The following SEC16A variants were observed in gnomAD, a reference collection of about 807,000 sequenced individuals.
SEC16A encodes SEC16 homolog A, endoplasmic reticulum export factor.
Under a neutral mutation model 221.9 loss-of-function variants are expected in SEC16A, and 110 were observed. The ratio of observed to expected loss-of-function variants is 0.50; its 90% CI spans 0.42 to 0.58. SEC16A has a LOEUF of 0.58. SEC16A is among the 20% of genes least tolerant of loss of function. The pLI, the probability that SEC16A is intolerant of heterozygous loss-of-function variation, is 0.00. For missense variants in SEC16A, 3,165 were observed against 3,097.8 expected, an observed-to-expected ratio of 1.02 and a Z score of -0.52; for synonymous variants, 1,393 against 1,257.7, an observed-to-expected ratio of 1.11 and a Z score of -2.28.
At chr9:136,461,617 T>C (rs948462326) in intron 12 of SEC16A, among the ~76,000 whole-genome samples, 19 of 152,174 alleles carry the variant, frequency 1.2e-4, no homozygotes, top group African/African-American at 4.6e-4. Flanking sequence ...TCCCCAGTTC[T>C]AACAGGAGGC....
chr9:136,444,901 A>AT, intron 30 of SEC16A, 151 bp downstream of exon 30: 1 of 521,334 alleles, frequency 1.9e-6, no homozygotes, highest in Non-Finnish European at 3.4e-6. Context: ...AAAAAAAAAA[A>AT]GGAACCCTGT....
intron 2 of SEC16A, among the ~76,000 whole-genome samples, chr9:136,478,402 C>CAAA (rs34093106): frequency 0.14 from 13,247 of 94,892 alleles, 943 homozygotes; most frequent in Admixed American, 0.24. Context: ...GTCCCTAGCT[C>CAAA]AAAAAAAAAA....
At chr9:136,480,334 C>T (rs1466277404) in intron 1 of SEC16A, among the ~76,000 whole-genome samples, 2 of 152,160 alleles carry the variant, frequency 1.3e-5, no homozygotes, top group South Asian at 2.1e-4. Context: ...TGGCCTTCCC[C>T]GGGAAGATCC....
intron 5 of SEC16A, among the ~76,000 whole-genome samples, chr9:136,468,074 T>C (rs915967188): frequency 1.3e-5 from 2 of 152,220 alleles, no homozygotes; most frequent in Non-Finnish European, 2.9e-5. Context: ...TTTCACTTCC[T>C]TTTCATCCGT....
chr9:136,473,835 G>C (rs1841230531), intron 3 of SEC16A, among the ~76,000 whole-genome samples: 1 of 152,222 alleles, frequency 6.6e-6, no homozygotes, highest in Admixed American at 6.5e-5. Context: ...CGCGTGGTGT[G>C]AACTAAGGGT....
intron 22 of SEC16A, 53 bp from the exon 23 acceptor site, chr9:136,451,461 A>G: frequency 6.5e-7 from 1 of 1,528,644 alleles, no homozygotes; most frequent in Non-Finnish European, 8.7e-7. Context: ...ACAGGAACCG[A>G]AAGAGAGAGG....
In SEC16A at chr9:136,445,017, C is replaced by T. The variant is rs747780946; in HGVS notation, c.6927+35G>A. ...CAGGAACACAGGCGGCACACGCCAG[C>T]TCTCATGTTAGTGAGGACCACCAGC... On this transcript the variant is annotated intron_variant, in intron 30 of 31. Coordinates refer to ENST00000684901, the MANE Select transcript of SEC16A (RefSeq NM_014866.2). 2.5e-6 allele frequency: 4 copies of T among 1,583,204 alleles called. No homozygotes were observed. The East Asian group carries it at 6.9e-5, about 27-fold the overall frequency.
intron 9 of SEC16A, 40 bp downstream of exon 9, chr9:136,464,380 C>G: frequency 6.4e-7 from 1 of 1,562,628 alleles, no homozygotes; most frequent in Non-Finnish European, 8.7e-7. Context: ...TTCCCCAGGG[C>G]AGCAGAGCAG....
At position 136,481,266 on chromosome 9, in the gene SEC16A, G is replaced by A. The variant is rs55638254; in HGVS notation, c.-192+1672C>T. On this transcript the variant is annotated intron_variant, in intron 1 of 31. Coordinates refer to ENST00000684901, the MANE Select transcript of SEC16A (RefSeq NM_014866.2). ...TTCTCCTGCCTCAGCCTCCAGCGTA[G>A]CTGGGACTACAGGCGCCCGCCACCT... Among the ~76,000 whole-genome samples the A allele has an allele frequency of 2.6e-5, 4 of 151,068 alleles. No individual in the cohort carries two copies. In the South Asian group the frequency reaches 8.4e-4, roughly 32 times the overall value.
At chr9:136,444,045 C>T in intron 30 of SEC16A, 145 bp from the exon 31 acceptor site, 1 of 563,058 alleles carries the variant, frequency 1.8e-6, no homozygotes, top group African/African-American at 1.9e-5. Context: ...CTTCTTGCAA[C>T]ACTGGATTTA....
chr9:136,454,571 G>A (rs958105571), intron 20 of SEC16A, among the ~76,000 whole-genome samples: 5 of 152,114 alleles, frequency 3.3e-5, no homozygotes, highest in African/African-American at 4.8e-5. Context: ...ACAGCGGCAC[G>A]CGGGCTCCAG....
Position 136,466,375 on chromosome 9 carries a change from A to G in SEC16A, c.4017T>C (p.Tyr1339=), listed in dbSNP as rs555279177. 1.3e-5 allele frequency: 20 copies of G among 1,598,562 alleles called. No individual in the cohort carries two copies. The Admixed American group carries it at 2.9e-4, about 23-fold the overall frequency. The change falls in exon 7 of 32, where the codon TAT becomes TAC. Residue 1339 remains tyrosine (Y), a synonymous_variant. Coordinates refer to ENST00000684901, the MANE Select transcript of SEC16A (RefSeq NM_014866.2). This position sits in a 1 kb window ranked among gnomAD's most constrained non-coding sequence, Gnocchi z 5.5. Reference sequence around the variant, plus strand: ...CGCTGCGCCGGTCCACCTCTTCCCCATAAGGGTCTCTGTGCGGATCGGGGT... The same window carrying G: ...CGCTGCGCCGGTCCACCTCTTCCCCGTAAGGGTCTCTGTGCGGATCGGGGT... ...DDDPDPHRDP[Y]GEEVDRRSVH... is the part of the protein sequence containing the mutation.
chr9:136,457,210 G>A (rs918821879), intron 18 of SEC16A, among the ~76,000 whole-genome samples: 7 of 152,236 alleles, frequency 4.6e-5, no homozygotes, highest in Non-Finnish European at 1.0e-4. Flanking sequence ...AGTTCCTTCT[G>A]ATTGTGAAAC....
At chr9:136,470,346 C>T (rs987899397) in intron 4 of SEC16A, among the ~76,000 whole-genome samples, 3 of 152,200 alleles carry the variant, frequency 2.0e-5, no homozygotes, top group African/African-American at 4.8e-5. Context: ...CTCTCAGAAT[C>T]GGTTCCTAGG....
chr9:136,445,800 G>T, intron 28 of SEC16A, 81 bp from the exon 29 acceptor site: 1 of 1,241,528 alleles, frequency 8.1e-7, no homozygotes, highest in Non-Finnish European at 1.1e-6. Flanking sequence ...ATATGAAACT[G>T]TTCTGGCCTG....
chr9:136,483,589 C>G (rs1276940548), upstream of SEC16A: 4 of 985,286 alleles, frequency 4.1e-6, no homozygotes, highest in East Asian at 2.2e-4. Context: ...TACGCTGGCT[C>G]TTTCTCCCAG....
At chr9:136,452,198 C>G (rs950721612) in intron 22 of SEC16A, among the ~76,000 whole-genome samples, 2 of 151,914 alleles carry the variant, frequency 1.3e-5, no homozygotes, top group Non-Finnish European at 2.9e-5. Flanking sequence ...CCTGTAATCC[C>G]AGCACTTTGG....
At position 136,466,841 on chromosome 9, in the gene SEC16A, C is replaced by A; in HGVS notation, c.3929+116G>T. On this transcript the variant is annotated intron_variant, in intron 6 of 31. Transcript: ENST00000684901. The surrounding 1 kb of genome is among the most constrained non-coding windows in gnomAD (Gnocchi z 5.5). ...TTCAGACAGGGACCAAAACATCAGG[C>A]AGATGCTCACCCAAACTACCACAGC... The A allele has an allele frequency of 7.8e-7, 1 of 1,280,706 alleles. No individual in the cohort carries two copies. Among genetic ancestry groups the A allele is most frequent in the Non-Finnish European group, 1.1e-6 (1 of 944,240 alleles). The allele number at this position is 1,280,706 out of a possible 1,614,324, so 79.3% of individuals were successfully genotyped here. A position where few individuals can be genotyped will look rare whatever the true frequency, so the allele number is the denominator to read the frequency against.
intron 23 of SEC16A, 50 bp downstream of exon 23, chr9:136,451,206 C>T: frequency 6.3e-7 from 1 of 1,576,546 alleles, no homozygotes; most frequent in Non-Finnish European, 8.6e-7. Context: ...AGCGTGCCTC[C>T]TGCCCAAACC....
Sources: gnomAD v4.1 joint callset for allele counts (sites outside exome capture counted in the v4.1 genomes callset) on GRCh38, gnomAD v4.1.1 for gene constraint, Gnocchi (gnomAD v3.1) non-coding constraint, MANE v1.5 for transcripts, NCBI Gene and HGNC (gene_info 2026-07-23, HGNC 2026-07-21) for gene names.